The following SLC39A11 variants were observed in gnomAD, a reference collection of about 807,000 sequenced individuals.
SLC39A11 encodes zinc transporter ZIP11.
A neutral mutation model predicts 36.1 loss-of-function variants in SLC39A11; 33 were observed. That is an observed-to-expected ratio of 0.91 (90% CI 0.69 to 1.22). The LOEUF is 1.22. Ranked by LOEUF, SLC39A11 falls within the 50% of genes most tolerant of loss-of-function variation. The pLI is 0.00. For synonymous variants in SLC39A11, 166 were observed against 170.3 expected (o/e 0.97, Z 0.20); for missense variants, 432 against 430.3 (o/e 1.00, Z -0.03).
At chr17:73,007,601 C>T (rs952227385) in intron 4 of SLC39A11, among the ~76,000 whole-genome samples, 4 of 152,026 alleles carry the variant, frequency 2.6e-5, no homozygotes, top group East Asian at 1.9e-4. Flanking sequence ...AACAGTGTGA[C>T]GTGTGCTGAG....
rs182176459 is a variant in SLC39A11, at chr17:72,944,003, A to G, written c.430+3749T>C. Reference sequence around the variant, plus strand: ...ACCACATGGCAGGATCCAGGATCCAATGAGATTGAACTCTGGCATCACCCC... The same window carrying G: ...ACCACATGGCAGGATCCAGGATCCAGTGAGATTGAACTCTGGCATCACCCC... On this transcript the variant is annotated intron_variant, in intron 5 of 9. Transcript: ENST00000255559. 3.3e-4 allele frequency among the ~76,000 whole-genome samples: 50 copies of G among 152,322 alleles called. No individual in the cohort carries two copies. In the East Asian group the frequency reaches 4.2e-3, roughly 13 times the overall value.
At chr17:72,762,478 C>G (rs1240933474) in intron 6 of SLC39A11, among the ~76,000 whole-genome samples, 1 of 152,170 alleles carries the variant, frequency 6.6e-6, no homozygotes, top group Non-Finnish European at 1.5e-5. Context: ...CCACCCCTCT[C>G]CTGGAAAATT....
chr17:72,832,164 T>A (rs1211489176), intron 6 of SLC39A11, among the ~76,000 whole-genome samples: 2 of 152,192 alleles, frequency 1.3e-5, no homozygotes, highest in Non-Finnish European at 2.9e-5. Flanking sequence ...GAGCCGTGAA[T>A]GAGGATGTGG....
chr17:72,809,014 T>C (rs932254740), intron 6 of SLC39A11, among the ~76,000 whole-genome samples: 15 of 152,208 alleles, frequency 9.9e-5, no homozygotes, highest in African/African-American at 3.4e-4. Flanking sequence ...TGAAACAACA[T>C]TATCTCAGTG....
intron 5 of SLC39A11, among the ~76,000 whole-genome samples, chr17:72,923,395 G>A (rs1019497489): frequency 1.3e-5 from 2 of 152,170 alleles, no homozygotes; most frequent in South Asian, 2.1e-4. Context: ...CAGAACCATG[G>A]CCTGCAGCCT....
At chr17:72,808,177 T>C (rs1299920161) in intron 6 of SLC39A11, among the ~76,000 whole-genome samples, 1 of 152,240 alleles carries the variant, frequency 6.6e-6, no homozygotes, top group Non-Finnish European at 1.5e-5. Context: ...GAGGCTCATA[T>C]GCATAGAAGG....
chr17:72,700,067 G>A (rs1265058013), intron 7 of SLC39A11, among the ~76,000 whole-genome samples: 2 of 148,456 alleles, frequency 1.3e-5, no homozygotes, highest in East Asian at 2.0e-4. Flanking sequence ...GGAGACGAAG[G>A]TTGAATGTGT....
chr17:72,759,815 T>A (rs2075504808), intron 6 of SLC39A11, among the ~76,000 whole-genome samples: 1 of 151,998 alleles, frequency 6.6e-6, no homozygotes, highest in African/African-American at 2.4e-5. Context: ...AATATAAGAT[T>A]CTTAATGTAG....
At chr17:72,718,603 A>T (rs1242877759) in intron 7 of SLC39A11, among the ~76,000 whole-genome samples, 1 of 152,214 alleles carries the variant, frequency 6.6e-6, no homozygotes, top group Non-Finnish European at 1.5e-5. Context: ...GTCACTTAAC[A>T]GCAGAGTGAT....
At chr17:72,848,316 C>T (rs2079142396) in intron 6 of SLC39A11, among the ~76,000 whole-genome samples, 2 of 152,192 alleles carry the variant, frequency 1.3e-5, no homozygotes, top group South Asian at 4.1e-4. Context: ...TTAAAAATAT[C>T]TTTATCATTT....
intron 6 of SLC39A11, among the ~76,000 whole-genome samples, chr17:72,803,027 C>T (rs1355169059): frequency 1.3e-5 from 2 of 152,222 alleles, no homozygotes; most frequent in African/African-American, 2.4e-5. Flanking sequence ...TTAAACCCAC[C>T]GTCCTTTCTA....
chr17:72,672,132 T>C (rs748809945), intron 7 of SLC39A11, among the ~76,000 whole-genome samples: 1 of 152,154 alleles, frequency 6.6e-6, no homozygotes, highest in Non-Finnish European at 1.5e-5. Context: ...TATAAATATG[T>C]ATATAAACTC....
rs370339241 is a variant in SLC39A11 at position 73,032,732 on chromosome 17, T to C, written c.148-1018A>G. On this transcript the variant is annotated intron_variant, in intron 3 of 9. Transcript: ENST00000255559. Reference sequence around the variant, plus strand: ...TGACAGCCTCTGAAATATCTGAAGATAACCAGCAAGTCAACGTCATATTGG... The same window carrying C: ...TGACAGCCTCTGAAATATCTGAAGACAACCAGCAAGTCAACGTCATATTGG... Among the ~76,000 whole-genome samples the C allele has an allele frequency of 4.6e-5, 7 of 152,304 alleles. No individual in the cohort carries two copies. The South Asian group carries it at 1.5e-3, about 32-fold the overall frequency.
At chr17:72,857,959 T>A (rs578127136) in intron 5 of SLC39A11, among the ~76,000 whole-genome samples, 1 of 152,358 alleles carries the variant, frequency 6.6e-6, no homozygotes, top group South Asian at 2.1e-4. Context: ...TCTTTTGCTG[T>A]GTAGAAGCTC....
At chr17:72,955,298 CTTTTTTT>C (rs71359751) in intron 4 of SLC39A11, among the ~76,000 whole-genome samples, 19 of 65,582 alleles carry the variant, frequency 2.9e-4, no homozygotes, top group East Asian at 1.3e-3. Flanking sequence ...TTTCAGTTCT[CTTTTTTT>C]TTTTTTTTTT....
chr17:72,926,620 T>C (rs901947765), intron 5 of SLC39A11, among the ~76,000 whole-genome samples: 10 of 152,248 alleles, frequency 6.6e-5, no homozygotes, highest in East Asian at 3.9e-4. Flanking sequence ...CTGAGAAGCC[T>C]TCTAAGAGAC....
At chr17:72,718,765 C>T (rs2073520204) in intron 7 of SLC39A11, among the ~76,000 whole-genome samples, 1 of 152,166 alleles carries the variant, frequency 6.6e-6, no homozygotes, top group Non-Finnish European at 1.5e-5. Flanking sequence ...TGATAATTTC[C>T]AGCTTTCTTG....
At chr17:72,724,383 T>C (rs1186258327) in intron 7 of SLC39A11, among the ~76,000 whole-genome samples, 2 of 152,006 alleles carry the variant, frequency 1.3e-5, no homozygotes. Flanking sequence ...TTCCAGGTGG[T>C]CCAAGAATGG....
intron 5 of SLC39A11, among the ~76,000 whole-genome samples, chr17:72,934,396 T>C (rs199871246): frequency 6.6e-6 from 1 of 152,176 alleles, no homozygotes; most frequent in Non-Finnish European, 1.5e-5. Context: ...CCGGGCACAG[T>C]GGCTCACACT....
Sources: allele counts gnomAD v4.1 joint callset (sites outside exome capture counted in the v4.1 genomes callset), GRCh38; gene constraint gnomAD v4.1.1; transcripts MANE v1.5; gene names NCBI Gene and HGNC (gene_info 2026-07-23, HGNC 2026-07-21).